EFCAB6: variants seen among roughly 807,000 people sequenced by gnomAD.
The protein encoded by EFCAB6 is EF-hand calcium-binding domain-containing protein 6.
A neutral mutation model predicts 169.8 loss-of-function variants in EFCAB6; 156 were observed. That is an observed-to-expected ratio of 0.92 (90% CI 0.81 to 1.05). The LOEUF (loss-of-function observed/expected upper bound fraction) is 1.05, where lower values mean the gene tolerates loss of function less well. EFCAB6 is among the 50% of genes least tolerant of loss of function. The probability of loss-of-function intolerance (pLI) is 0.00; values close to 1 mark genes in which losing one functional copy is unlikely to be tolerated. For missense variants in EFCAB6, 1,800 were observed against 1,829.1 expected (o/e 0.98, Z 0.29); for synonymous variants, 698 against 676.4 (o/e 1.03, Z -0.50).
intron 16 of EFCAB6, among the ~76,000 whole-genome samples, chr22:43,668,060 T>A (rs538530089): frequency 2.0e-5 from 3 of 152,208 alleles, no homozygotes; most frequent in Non-Finnish European, 4.4e-5. Flanking sequence ...GAAGCAAACA[T>A]ATCTTATCAT....
At chr22:43,696,408 T>C (rs963572940) in intron 10 of EFCAB6, among the ~76,000 whole-genome samples, 4 of 152,138 alleles carry the variant, frequency 2.6e-5, no homozygotes, top group African/African-American at 9.7e-5. Flanking sequence ...AATTTAAACA[T>C]ACACTCACCA....
intron 18 of EFCAB6, 21 bp downstream of exon 18, chr22:43,635,081 G>A: frequency 3.1e-6 from 5 of 1,601,410 alleles, no homozygotes; most frequent in Middle Eastern, 1.7e-4. Flanking sequence ...CCCACAGGGT[G>A]TGGACTTGGC....
intron 21 of EFCAB6, among the ~76,000 whole-genome samples, chr22:43,609,271 G>C (rs943823158): frequency 6.6e-6 from 1 of 152,206 alleles, no homozygotes; most frequent in African/African-American, 2.4e-5. Context: ...GGAACAAAGT[G>C]AGAATATCTT....
At chr22:43,581,991 CAG>C (rs1569196447) in intron 24 of EFCAB6, among the ~76,000 whole-genome samples, 1 of 152,128 alleles carries the variant, frequency 6.6e-6, no homozygotes, top group Non-Finnish European at 1.5e-5. Flanking sequence ...TTACAAGTAA[CAG>C]AGATGTTTAT....
rs372511562 is a variant in EFCAB6, at chr22:43,755,803, C to A, written c.470G>T (p.Arg157Leu). 90 of 1,604,844 alleles carry A rather than the reference C, an allele frequency of 5.6e-5. No homozygotes were observed. The highest frequency in any genetic ancestry group is 7.4e-5 in the Non-Finnish European group (87 of 1,177,432). ...TTGGATTTCAAGTTCTCTTAATGTGCGGCAGCAATTCATTTCATTCCCACC... is the reference window on the plus strand; with the variant it reads ...TTGGATTTCAAGTTCTCTTAATGTGAGGCAGCAATTCATTTCATTCCCACC... Reference protein sequence around the residue: ...RGGGNEMNCCRTLRELEIQVG... With the variant: ...RGGGNEMNCCLTLRELEIQVG... The change falls in exon 6 of 32, where the codon CGC becomes CTC. Residue 157 changes from arginine (R) to leucine (L), a missense_variant. Arg to Leu is a moderately radical substitution (Grantham distance 102). Transcript: ENST00000262726.
chr22:43,732,552 C>T lies in EFCAB6; in HGVS notation c.645-741G>A, dbSNP rs2059994379. Among the ~76,000 whole-genome samples, 3 of 148,946 alleles carry T rather than the reference C, an allele frequency of 2.0e-5. No homozygotes were observed. In the Admixed American group the frequency reaches 2.0e-4, roughly 10 times the overall value. On this transcript the variant is annotated intron_variant, in intron 7 of 31. Coordinates refer to ENST00000262726, the MANE Select transcript of EFCAB6 (RefSeq NM_022785.4). Reference sequence around the variant, plus strand: ...CTGCAATCTCAGCTCACTGCAACCTCCACCTCCCAGTTCAAGCGATTCTCG... The same window carrying T: ...CTGCAATCTCAGCTCACTGCAACCTTCACCTCCCAGTTCAAGCGATTCTCG...
intron 6 of EFCAB6, among the ~76,000 whole-genome samples, chr22:43,745,064 T>C (rs2060512762): frequency 6.6e-6 from 1 of 152,188 alleles, no homozygotes; most frequent in African/African-American, 2.4e-5. Context: ...TGGAGAAAAC[T>C]GAGAGCTAAG....
intron 27 of EFCAB6, among the ~76,000 whole-genome samples, chr22:43,550,500 T>C (rs778012427): frequency 6.6e-6 from 1 of 152,030 alleles, no homozygotes; most frequent in African/African-American, 2.4e-5. Flanking sequence ...GGTGAAACCC[T>C]GTCTCTACTA....
At chr22:43,635,998 A>G (rs78597862) in intron 17 of EFCAB6, among the ~76,000 whole-genome samples, 3,034 of 152,294 alleles carry the variant, frequency 0.02, 125 homozygotes, top group African/African-American at 0.069. Flanking sequence ...GGCAGATGGA[A>G]GGCACCACCT....
chr22:43,772,854 G>T lies in EFCAB6; in HGVS notation c.351+38C>A, dbSNP rs577244362. On this transcript the variant is annotated intron_variant, in intron 4 of 31. Transcript: ENST00000262726. ...TCCCCTGATCTACCTCAGCTTGTCT[G>T]GAATTGAGGGATTCTAAGTATGTAC... The T allele has an allele frequency of 5.0e-6, 8 of 1,606,202 alleles. No homozygotes were observed. In the Admixed American group the frequency reaches 1.0e-4, roughly 20 times the overall value.
At chr22:43,625,490 T>A (rs1311920456) in intron 20 of EFCAB6, among the ~76,000 whole-genome samples, 2 of 152,210 alleles carry the variant, frequency 1.3e-5, no homozygotes, top group Non-Finnish European at 2.9e-5. Flanking sequence ...GGACGGGTGA[T>A]CCCCTGCTGC....
At chr22:43,775,325 G>A (rs545968727) in intron 3 of EFCAB6, among the ~76,000 whole-genome samples, 3 of 152,264 alleles carry the variant, frequency 2.0e-5, no homozygotes, top group African/African-American at 7.2e-5. Flanking sequence ...GTGGGCATAC[G>A]CTCCCCACTT....
At chr22:43,665,587 A>T (rs924259004) in intron 17 of EFCAB6, among the ~76,000 whole-genome samples, 3 of 152,202 alleles carry the variant, frequency 2.0e-5, no homozygotes, top group African/African-American at 7.2e-5. Context: ...AAAATCTAGG[A>T]CAAAGGGCCC....
At chr22:43,804,823 A>T (rs2148204875) in intron 2 of EFCAB6, among the ~76,000 whole-genome samples, 1 of 152,128 alleles carries the variant, frequency 6.6e-6, no homozygotes, top group East Asian at 1.9e-4. Context: ...AAATACAGAG[A>T]ATCAATGAAA....
chr22:43,670,772 C>T (rs559388210), intron 15 of EFCAB6, among the ~76,000 whole-genome samples: 11 of 152,314 alleles, frequency 7.2e-5, no homozygotes, highest in Non-Finnish European at 1.5e-4. Context: ...TCACTTGGAA[C>T]AGAAGGAAAG....
intron 12 of EFCAB6, 80 bp downstream of exon 12, chr22:43,683,667 G>T: frequency 1.0e-6 from 1 of 996,038 alleles, no homozygotes; most frequent in Non-Finnish European, 1.6e-6. Context: ...CGAATATGGA[G>T]TTGTTATTGG....
In EFCAB6 at chr22:43,711,404, A is replaced by G. The variant is rs556331586; in HGVS notation, c.1031+71T>C. On this transcript the variant is annotated intron_variant, in intron 10 of 31. Transcript: ENST00000262726. ...AGTCTAAAACATTAATAAAAAATAA[A>G]CGAAGCTGTGCCTTATTCTTACGGT... 3.5e-6 allele frequency: 5 copies of G among 1,411,650 alleles called. No individual in the cohort carries two copies. In the African/African-American group the frequency reaches 5.9e-5, roughly 17 times the overall value. The allele number at this position is 1,411,650 out of a possible 1,614,324, so 87.4% of individuals were successfully genotyped here.
chr22:43,778,187 C>G (rs780677030), intron 3 of EFCAB6, among the ~76,000 whole-genome samples: 2 of 152,186 alleles, frequency 1.3e-5, no homozygotes, highest in African/African-American at 2.4e-5. Context: ...AGGAAGAAAA[C>G]GACCCAGTAT....
intron 27 of EFCAB6, among the ~76,000 whole-genome samples, chr22:43,547,874 G>A (rs2048152404): frequency 6.6e-6 from 1 of 151,930 alleles, no homozygotes; most frequent in South Asian, 2.1e-4. Context: ...GGTAGATCAC[G>A]AGGTCAGGAG....
Sources: allele counts gnomAD v4.1 joint callset (sites outside exome capture counted in the v4.1 genomes callset), GRCh38; gene constraint gnomAD v4.1.1; transcripts MANE v1.5; gene names NCBI Gene and HGNC (gene_info 2026-07-23, HGNC 2026-07-21).